Variants in ZFHX3 observed in about 807,000 individuals in gnomAD.
ZFHX3 encodes the protein zinc finger homeobox 3.
In ZFHX3, 42 loss-of-function variants were observed where a neutral mutation model predicts 279.1. That is an observed-to-expected ratio of 0.15 (90% CI 0.12 to 0.19). ZFHX3 has a LOEUF of 0.19. ZFHX3 is among the 10% of genes least tolerant of loss of function. The probability of loss-of-function intolerance (pLI) is 1.00; values close to 1 mark genes in which losing one functional copy is unlikely to be tolerated. For synonymous variants in ZFHX3, 2,293 were observed against 1,957.8 expected (o/e 1.17, Z -4.52); for missense variants, 4,981 against 4,754.0 (o/e 1.05, Z -1.40).
intron 5 of ZFHX3, among the ~76,000 whole-genome samples, chr16:73,150,995 T>C (rs909463468): frequency 3.9e-5 from 6 of 152,136 alleles, no homozygotes; most frequent in African/African-American, 4.8e-5. Context: ...GAATGGGCAA[T>C]ATTATTTGGC....
exon 1 of ZFHX3, chr16:73,058,764 G>A: frequency 6.4e-6 from 1 of 156,594 alleles, no homozygotes; most frequent in Non-Finnish European, 1.4e-5. Context: ...GGGGCGGGAG[G>A]CGGCCGCAGC....
intron 3 of ZFHX3, among the ~76,000 whole-genome samples, chr16:72,897,946 T>C (rs1023249025): frequency 6.6e-6 from 1 of 151,938 alleles, no homozygotes; most frequent in Non-Finnish European, 1.5e-5. Context: ...CTGCAGGGGG[T>C]TCTGGAACAT....
chr16:72,791,459 C>A (rs998217258), intron 9 of ZFHX3: 1 of 152,214 alleles, frequency 6.6e-6, no homozygotes, highest in Non-Finnish European at 1.5e-5. Context: ...TGTTGACTGA[C>A]TGGCTCATAT....
chr16:72,976,841 G>A (rs1413281257), intron 1 of ZFHX3, among the ~76,000 whole-genome samples: 1 of 152,214 alleles, frequency 6.6e-6, no homozygotes. Context: ...ACCCTGCAGT[G>A]CTGGGGAACC....
At position 73,256,656 on chromosome 16, in the gene ZFHX3, G is replaced by A. The variant is rs144903330; in HGVS notation, c.-1104+391C>T. Among the ~76,000 whole-genome samples, 31 of 152,334 alleles carry A rather than the reference G, an allele frequency of 2.0e-4. No homozygotes were observed. The East Asian group carries it at 5.2e-3, about 26-fold the overall frequency. The stretch of plus-strand genomic sequence containing the variant: ...TTCTCAGTCTTTGCAAGGGTGCAAT[G>A]TAAAGAGTTTAGGGAAATACCTTCA... On this transcript the variant is annotated intron_variant, in intron 5 of 17. Transcript: ENST00000641206.
At chr16:73,166,072 G>A (rs1051281141) in intron 5 of ZFHX3, among the ~76,000 whole-genome samples, 2 of 152,172 alleles carry the variant, frequency 1.3e-5, no homozygotes, top group African/African-American at 4.8e-5. Flanking sequence ...AAAAGATGTG[G>A]CAGATATTCT....
chr16:72,863,757 G>A lies in ZFHX3; in HGVS notation c.3448+25974C>T, dbSNP rs532825454. 3.9e-5 allele frequency among the ~76,000 whole-genome samples: 6 copies of A among 152,264 alleles called. No homozygotes were observed. In the South Asian group the frequency reaches 1.2e-3, roughly 32 times the overall value. ...TGAAATTATCCAACTCAGGAACACA[G>A]ATGATGGGTTCATGGGGTCTGCTGG... is the stretch of plus-strand genomic sequence containing the variant. On this transcript the variant is annotated intron_variant, in intron 4 of 9. Coordinates refer to ENST00000268489, the MANE Select transcript of ZFHX3 (RefSeq NM_006885.4).
At position 72,958,906 on chromosome 16, in the gene ZFHX3, G is replaced by C; in HGVS notation, c.1240C>G (p.Pro414Ala). Residue 414 changes from proline (P) to alanine (A), a missense_variant, in exon 2 of 10, where the codon CCC becomes GCC. Transcript: ENST00000268489. ...GGCCCCAGGGGGACTGAGGTAATGG[G>C]GGTCTTCAGTACCGAGCTGGTGAGC... ...GGLTSSVLKT[P>A]ITSVPLGPLA... The C allele has an allele frequency of 6.2e-7, 1 of 1,607,126 alleles. No individual in the cohort carries two copies. The highest frequency in any genetic ancestry group is 8.5e-7 in the Non-Finnish European group (1 of 1,176,418).
chr16:73,175,497 C>A (rs1260300629), intron 5 of ZFHX3, among the ~76,000 whole-genome samples: 1 of 152,222 alleles, frequency 6.6e-6, no homozygotes, highest in Non-Finnish European at 1.5e-5. Flanking sequence ...GCCTCATTTT[C>A]ATCACCAGTA....
At chr16:72,816,061 G>A (rs1042111359) in intron 5 of ZFHX3, among the ~76,000 whole-genome samples, 11 of 152,194 alleles carry the variant, frequency 7.2e-5, no homozygotes, top group Non-Finnish European at 1.6e-4. Flanking sequence ...CCATGTTACA[G>A]CTATGTAAAA....
chr16:73,599,149 A>T (rs2052084642), intron 2 of ZFHX3, among the ~76,000 whole-genome samples: 1 of 152,178 alleles, frequency 6.6e-6, no homozygotes, highest in South Asian at 2.1e-4. Context: ...TTCAAGTTTG[A>T]TGATACAGGT....
At chr16:73,642,175 T>G (rs942009939) in intron 2 of ZFHX3, among the ~76,000 whole-genome samples, 22 of 152,170 alleles carry the variant, frequency 1.4e-4, no homozygotes, top group African/African-American at 5.3e-4. Flanking sequence ...TGATTCCCAG[T>G]GGAACTCTTT....
chr16:73,546,405 T>G (rs1047924455), intron 2 of ZFHX3, among the ~76,000 whole-genome samples: 3 of 151,252 alleles, frequency 2.0e-5, no homozygotes, highest in South Asian at 2.1e-4. Flanking sequence ...GGTTTCAGTG[T>G]GATGCTGGAG....
intron 2 of ZFHX3, among the ~76,000 whole-genome samples, chr16:73,517,375 A>C (rs144928108): frequency 2.7e-4 from 41 of 152,270 alleles, no homozygotes; most frequent in Admixed American, 3.9e-4. Context: ...TTTTCTCCAT[A>C]TCCATCTACA....
At chr16:73,076,160 T>G (rs1306641688) in intron 8 of ZFHX3, among the ~76,000 whole-genome samples, 1 of 152,170 alleles carries the variant, frequency 6.6e-6, no homozygotes, top group Non-Finnish European at 1.5e-5. Context: ...CCCTGGCACA[T>G]GGAGGGGGGT....
chr16:73,145,697 A>G (rs1473755551), intron 5 of ZFHX3, among the ~76,000 whole-genome samples: 1 of 152,240 alleles, frequency 6.6e-6, no homozygotes, highest in Non-Finnish European at 1.5e-5. Flanking sequence ...ACGCATGGCC[A>G]CAGACTTTTC....
At chr16:73,889,027 G>T (rs2030441636) in intron 1 of ZFHX3, among the ~76,000 whole-genome samples, 1 of 152,092 alleles carries the variant, frequency 6.6e-6, no homozygotes, top group Non-Finnish European at 1.5e-5. Flanking sequence ...AAACAAATTG[G>T]CAATGACTGC....
At chr16:73,262,945 C>T (rs1243815423) in intron 4 of ZFHX3, among the ~76,000 whole-genome samples, 1 of 152,082 alleles carries the variant, frequency 6.6e-6, no homozygotes, top group Non-Finnish European at 1.5e-5. Flanking sequence ...GAGTGAGGGG[C>T]CCCAGAGCTC....
At chr16:73,446,981 C>T (rs754764529) in intron 3 of ZFHX3, among the ~76,000 whole-genome samples, 1 of 151,988 alleles carries the variant, frequency 6.6e-6, no homozygotes, top group Non-Finnish European at 1.5e-5. Flanking sequence ...GAGATCGAGA[C>T]CATCCTGGCT....
Sources: gnomAD v4.1 joint callset for allele counts (sites outside exome capture counted in the v4.1 genomes callset) on GRCh38, gnomAD v4.1.1 for gene constraint, MANE v1.5 for transcripts, NCBI Gene and HGNC (gene_info 2026-07-23, HGNC 2026-07-21) for gene names.